The following ANKRD30A variants were observed in gnomAD, a reference collection of about 807,000 sequenced individuals.
The protein encoded by ANKRD30A is ankyrin repeat domain 30A, also known as ankyrin repeat domain-containing protein 30A.
Under a neutral mutation model 166.3 loss-of-function variants are expected in ANKRD30A, and 170 were observed. That is an observed-to-expected ratio of 1.02 (90% CI 0.90 to 1.16). ANKRD30A has a LOEUF of 1.16. Ranked by LOEUF, ANKRD30A falls within the 50% of genes most tolerant of loss-of-function variation. The pLI, the probability that ANKRD30A is intolerant of heterozygous loss-of-function variation, is 0.00. For synonymous variants in ANKRD30A, 564 were observed against 508.9 expected (o/e 1.11, Z -1.46); for missense variants, 1,630 against 1,518.0 (o/e 1.07, Z -1.23).
chr10:37,156,413 G>C (rs928396813), intron 13 of ANKRD30A, among the ~76,000 whole-genome samples: 9 of 152,048 alleles, frequency 5.9e-5, no homozygotes, highest in African/African-American at 2.2e-4. Context: ...TTCCTACCCG[G>C]TTCCTCTGCA....
chr10:37,205,424 C>T (rs929038228), intron 31 of ANKRD30A, among the ~76,000 whole-genome samples: 16 of 129,820 alleles, frequency 1.2e-4, no homozygotes, highest in African/African-American at 4.2e-4. Context: ...ACAGGAAGTG[C>T]AACATCACAC....
At chr10:37,241,275 TACTA>T in the ANKRD30A span, 1 of 151,118 alleles carries the variant, frequency 6.6e-6, no homozygotes, top group African/African-American at 2.4e-5. Context: ...AAAAAAAAGG[TACTA>T]ACTTTTATTT....
At chr10:37,154,430 C>G (rs180698846) in intron 13 of ANKRD30A, among the ~76,000 whole-genome samples, 1 of 151,976 alleles carries the variant, frequency 6.6e-6, no homozygotes, top group African/African-American at 2.4e-5. Context: ...AGAGGAGAGG[C>G]CTTTTGTGGG....
chr10:37,199,748 C>A lies in ANKRD30A; in HGVS notation c.2738C>A (p.Ser913Ter). 1 of 1,579,942 alleles carries A rather than the reference C, an allele frequency of 6.3e-7. No homozygotes were observed. The highest frequency in any genetic ancestry group is 1.1e-5 in the South Asian group (1 of 88,988). Reference sequence around the variant, plus strand: ...ATAGATCAGATGTTCCCTTCAGAATCAAAACAAAAGAAGGTTGAAGAAAAT... The same window carrying A: ...ATAGATCAGATGTTCCCTTCAGAATAAAAACAAAAGAAGGTTGAAGAAAAT... ...LRADQMFPSE[S>*]KQKKVEENSW... is the part of the protein sequence containing the mutation. The change falls in exon 30 of 36, where the codon TCA (serine) becomes TAA (stop). Residue 913 changes from serine (S) to a stop codon, truncating the protein, a stop_gained. Transcript: ENST00000361713. LOFTEE classifies it high-confidence loss of function.
At chr10:37,193,130 C>T (rs752867974) in intron 26 of ANKRD30A, 38 bp downstream of exon 26, 49 of 1,605,226 alleles carry the variant, frequency 3.1e-5, no homozygotes, top group Non-Finnish European at 4.1e-5. Flanking sequence ...GTATTAACTA[C>T]ATATTTTATG....
chr10:37,211,053 T>G (rs950699617), intron 31 of ANKRD30A, among the ~76,000 whole-genome samples: 2 of 152,146 alleles, frequency 1.3e-5, no homozygotes, highest in Non-Finnish European at 2.9e-5. Context: ...GCCTATGTCC[T>G]GAATGATATT....
intron 11 of ANKRD30A, among the ~76,000 whole-genome samples, chr10:37,151,790 G>A (rs558127560): frequency 2.0e-5 from 3 of 152,038 alleles, no homozygotes; most frequent in African/African-American, 4.8e-5. Flanking sequence ...AGGAGAAGAG[G>A]ATATGACTGC....
At chr10:37,200,721 C>T (rs1015951814) in intron 30 of ANKRD30A, among the ~76,000 whole-genome samples, 2 of 151,996 alleles carry the variant, frequency 1.3e-5, no homozygotes, top group Admixed American at 1.3e-4. Context: ...CCTTGTTTAT[C>T]AAAATAAAGC....
intron 6 of ANKRD30A, among the ~76,000 whole-genome samples, chr10:37,138,973 A>G (rs574964803): frequency 6.6e-6 from 1 of 152,226 alleles, no homozygotes; most frequent in African/African-American, 2.4e-5. Flanking sequence ...GGGCAGCCAG[A>G]GAGAAAGGTC....
chr10:37,252,881 G>T, the ANKRD30A span, among the ~76,000 whole-genome samples: 11 of 151,966 alleles, frequency 7.2e-5, no homozygotes, highest in East Asian at 5.8e-4. Flanking sequence ...TAACAATTTT[G>T]TTTATTATGT....
chr10:37,198,826 T>C (rs181456001), intron 29 of ANKRD30A, among the ~76,000 whole-genome samples: 2 of 152,230 alleles, frequency 1.3e-5, no homozygotes, highest in East Asian at 3.9e-4. Flanking sequence ...TCTTTTAAGT[T>C]TTAGTTGTGC....
rs534337562 is a variant in ANKRD30A, at chr10:37,194,475, G to A, written c.2614+1217G>A. ...CCTGCCTCAGCCTCCCGAGTAGCTG[G>A]GACTCCAGGCGCGTGCCACCACGCC... On this transcript the variant is annotated intron_variant, in intron 27 of 35. Transcript: ENST00000361713. 5.9e-5 allele frequency among the ~76,000 whole-genome samples: 9 copies of A among 151,932 alleles called. No individual in the cohort carries two copies. In the South Asian group the frequency reaches 6.3e-4, roughly 11 times the overall value.
chr10:37,152,600 C>T (rs1838036998), intron 12 of ANKRD30A, among the ~76,000 whole-genome samples: 2 of 152,044 alleles, frequency 1.3e-5, no homozygotes, highest in Non-Finnish European at 2.9e-5. Flanking sequence ...CAGTATAGAT[C>T]TGAAGGAACA....
the ANKRD30A span, among the ~76,000 whole-genome samples, chr10:37,256,227 T>C: frequency 1.5e-4 from 23 of 152,332 alleles, no homozygotes; most frequent in East Asian, 4.4e-3. Flanking sequence ...TCTCCCTGAA[T>C]GTGATTACCC....
At chr10:37,167,450 C>T (rs1386781160) in intron 19 of ANKRD30A, among the ~76,000 whole-genome samples, 5 of 151,340 alleles carry the variant, frequency 3.3e-5, no homozygotes, top group South Asian at 2.1e-4. Flanking sequence ...ACATGATACA[C>T]GAAACCAGAC....
chr10:37,135,790 G>A (rs1436941448), intron 5 of ANKRD30A, among the ~76,000 whole-genome samples: 2 of 152,094 alleles, frequency 1.3e-5, no homozygotes, highest in African/African-American at 4.8e-5. Context: ...TATCCAATTT[G>A]ATGAATTAAT....
intron 11 of ANKRD30A, among the ~76,000 whole-genome samples, chr10:37,150,789 G>T (rs1434781363): frequency 6.6e-6 from 1 of 152,050 alleles, no homozygotes; most frequent in Non-Finnish European, 1.5e-5. Context: ...AAAACATTCA[G>T]ATTTCAGACT....
chr10:37,226,770 T>C (rs1564598009), intron 34 of ANKRD30A, among the ~76,000 whole-genome samples: 1 of 151,882 alleles, frequency 6.6e-6, no homozygotes, highest in Non-Finnish European at 1.5e-5. Flanking sequence ...GAAATGCCAG[T>C]ACATTTTCCA....
chr10:37,183,493 TTC>T (rs1164762245), intron 24 of ANKRD30A, among the ~76,000 whole-genome samples: 6 of 146,966 alleles, frequency 4.1e-5, no homozygotes, highest in African/African-American at 1.2e-4. Context: ...TCTGAGTCTT[TTC>T]TCTCTTTTTC....
Sources: allele counts gnomAD v4.1 joint callset (sites outside exome capture counted in the v4.1 genomes callset), GRCh38; gene constraint gnomAD v4.1.1; transcripts MANE v1.5; gene names NCBI Gene and HGNC (gene_info 2026-07-23, HGNC 2026-07-21).